Variants in NUP133 observed in about 807,000 individuals in gnomAD.
The protein encoded by NUP133 is nucleoporin 133.
Under a neutral mutation model 146.2 loss-of-function variants are expected in NUP133, and 66 were observed. The observed-to-expected ratio is 0.45, with a 90% CI of 0.37 to 0.55. The LOEUF is 0.55. Ranked by LOEUF, NUP133 falls within the 20% of genes least tolerant of loss-of-function variation. NUP133 has a pLI of 0.00. For missense variants in NUP133, 1,277 were observed against 1,374.8 expected, an observed-to-expected ratio of 0.93 and a Z score of 1.12; for synonymous variants, 521 against 498.8, an observed-to-expected ratio of 1.04 and a Z score of -0.59.
At chr1:229,469,411 C>T (rs530394225) in intron 15 of NUP133, among the ~76,000 whole-genome samples, 11 of 152,176 alleles carry the variant, frequency 7.2e-5, no homozygotes, top group Admixed American at 5.9e-4. Context: ...GCAGACTTTA[C>T]TTTTTCTCTG....
In NUP133 at chr1:229,466,747, C is replaced by G. The variant is rs1660836240; in HGVS notation, c.2086G>C (p.Val696Leu). Residue 696 changes from valine (V) to leucine (L), a missense_variant, in exon 16 of 26, where the codon GTA becomes CTA. Val to Leu is a conservative substitution (Grantham distance 32). This residue lies in a region of NUP133 where 952 missense variants were observed against 1,047.0 expected (regional missense o/e 0.91). Transcript: ENST00000261396. ...ADVFFREVSQVDTICECLLEH... is the reference protein window; with the variant it reads ...ADVFFREVSQLDTICECLLEH... Reference sequence around the variant, plus strand: ...AGTAAGCACTCACAGATGGTATCTACTTGGGATACCTGAGAGAATACACAG... The same window carrying G: ...AGTAAGCACTCACAGATGGTATCTAGTTGGGATACCTGAGAGAATACACAG... The G allele has an allele frequency of 6.2e-7, 1 of 1,613,928 alleles. No homozygotes were observed.
chr1:229,490,940 C>T lies in NUP133; in HGVS notation c.1047-838G>A, dbSNP rs1266635476. Among the ~76,000 whole-genome samples the T allele has an allele frequency of 2.7e-5, 4 of 146,214 alleles. No homozygotes were observed. The East Asian group carries it at 8.0e-4, about 29-fold the overall frequency. Reference sequence around the variant, plus strand: ...CACTCCAGCCTGGGCGATAGAGTGACACCCCATCTTAAAAAAAAAAAGAAA... The same window carrying T: ...CACTCCAGCCTGGGCGATAGAGTGATACCCCATCTTAAAAAAAAAAAGAAA... On this transcript the variant is annotated intron_variant, in intron 8 of 25. Transcript: ENST00000261396.
intron 2 of NUP133, among the ~76,000 whole-genome samples, chr1:229,504,970 G>A (rs1037781233): frequency 2.6e-5 from 4 of 152,158 alleles, no homozygotes; most frequent in Admixed American, 6.6e-5. Context: ...GTGTGGCCCA[G>A]GACAGCTTTG....
At chr1:229,498,059 C>T (rs1324246631) in intron 6 of NUP133, 77 bp downstream of exon 6, 3 of 1,092,916 alleles carry the variant, frequency 2.7e-6, no homozygotes, top group Middle Eastern at 2.6e-4. Context: ...TGGAGGAATA[C>T]TAAATTCAGA....
chr1:229,497,121 A>C (rs569670322), intron 6 of NUP133, among the ~76,000 whole-genome samples: 1 of 152,330 alleles, frequency 6.6e-6, no homozygotes, highest in Admixed American at 6.5e-5. Flanking sequence ...ACAGTAAGTA[A>C]ACTGAGCAGG....
At position 229,466,730 on chromosome 1, in the gene NUP133, C is replaced by T. The variant is rs1251751777; in HGVS notation, c.2103G>A (p.Glu701=). The change falls in exon 16 of 26, where the codon GAG becomes GAA. Residue 701 remains glutamate, a synonymous_variant. Transcript: ENST00000261396. The part of the protein sequence containing the change: ...REVSQVDTIC[E]CLLEHEEQVL... Reference sequence around the variant, plus strand: ...CTTGCTCCTCATGCTCCAGTAAGCACTCACAGATGGTATCTACTTGGGATA... The same window carrying T: ...CTTGCTCCTCATGCTCCAGTAAGCATTCACAGATGGTATCTACTTGGGATA... The T allele has an allele frequency of 3.1e-6, 5 of 1,614,010 alleles. No homozygotes were observed. The African/African-American group carries it at 5.3e-5, about 17-fold the overall frequency.
At chr1:229,478,566 C>G (rs149188730) in intron 12 of NUP133, among the ~76,000 whole-genome samples, 1 of 152,122 alleles carries the variant, frequency 6.6e-6, no homozygotes, top group African/African-American at 2.4e-5. Context: ...ACCCAGGGAG[C>G]AAGAGTTTGG....
chr1:229,479,284 A>G (rs1171095542), intron 12 of NUP133, among the ~76,000 whole-genome samples: 1 of 152,198 alleles, frequency 6.6e-6, no homozygotes, highest in Non-Finnish European at 1.5e-5. Flanking sequence ...GGTTGAAAAC[A>G]TGCTGTGAAT....
chr1:229,453,540 G>C (rs749613226), intron 21 of NUP133, among the ~76,000 whole-genome samples: 4 of 152,162 alleles, frequency 2.6e-5, no homozygotes, highest in Non-Finnish European at 4.4e-5. Flanking sequence ...ACTTTTTGCT[G>C]CAATAGGCAA....
chr1:229,487,402 G>GA (rs1436434658), intron 10 of NUP133, 64 bp downstream of exon 10: 8 of 1,512,084 alleles, frequency 5.3e-6, no homozygotes, highest in Admixed American at 4.3e-5. Flanking sequence ...CAGGGAAAGA[G>GA]AAAAAAAGCA....
intron 8 of NUP133, among the ~76,000 whole-genome samples, chr1:229,493,588 G>A (rs1015415193): frequency 3.3e-5 from 5 of 152,084 alleles, no homozygotes; most frequent in Non-Finnish European, 2.9e-5. Context: ...ATAAATAAAC[G>A]GACCCATATG....
chr1:229,477,823 A>C, intron 12 of NUP133, 63 bp from the exon 13 acceptor site: 3 of 1,330,372 alleles, frequency 2.3e-6, no homozygotes, highest in Non-Finnish European at 3.1e-6. Flanking sequence ...ACTCACCAAG[A>C]AAAAATTAAT....
intron 20 of NUP133, among the ~76,000 whole-genome samples, chr1:229,459,463 T>C (rs1397043931): frequency 6.6e-6 from 1 of 152,212 alleles, no homozygotes; most frequent in Non-Finnish European, 1.5e-5. Flanking sequence ...ATTTGTCTTC[T>C]TGCAATTGAG....
Position 229,450,715 on chromosome 1 carries a change from TTTTGTTTG to T in NUP133, c.3100-118_3100-111del, listed in dbSNP as rs145817898. The T allele has an allele frequency of 1.3e-4, 56 of 432,520 alleles. 1 individual carries two copies. The highest frequency in any genetic ancestry group is 1.9e-4 in the Non-Finnish European group (48 of 250,818). 26.8% of individuals were successfully genotyped at this position (432,520 alleles called of 1,614,324 possible). ...TCTTGTAAGGAAGTTGTAGTTTGTT[TTTTGTTTG>T]TTTGTTTGTTTGTTTTTTTTGAGAC... is the stretch of plus-strand genomic sequence containing the variant. On this transcript the variant is annotated intron_variant, in intron 22 of 25. Transcript: ENST00000261396.
intron 8 of NUP133, among the ~76,000 whole-genome samples, chr1:229,494,960 C>T (rs188136834): frequency 3.3e-5 from 5 of 152,236 alleles, no homozygotes; most frequent in East Asian, 3.9e-4. Flanking sequence ...TTGTCTCTAA[C>T]GAATGAGACA....
rs1311846209 is a variant in NUP133, at chr1:229,486,427, A to G, written c.1444T>C (p.Leu482=). Residue 482 remains leucine, a synonymous_variant, in exon 11 of 26, where the codon TTG becomes CTG. Coordinates refer to ENST00000261396, the MANE Select transcript of NUP133 (RefSeq NM_018230.3). ...AAAGACCCTTCCAAGTCTTCTGCCAATATAGACACATTTTCCCTTGAAGTA... is the reference window on the plus strand; with the variant it reads ...AAAGACCCTTCCAAGTCTTCTGCCAGTATAGACACATTTTCCCTTGAAGTA... The part of the protein sequence containing the change: ...SITSRENVSI[L]AEDLEGSLAS... 2 of 1,610,610 alleles carry G rather than the reference A, an allele frequency of 1.2e-6. No homozygotes were observed. Among genetic ancestry groups the G allele is most frequent in the Admixed American group, 1.7e-5 (1 of 59,248 alleles).
chr1:229,500,084 T>C (rs543838428), intron 4 of NUP133, among the ~76,000 whole-genome samples: 2 of 152,376 alleles, frequency 1.3e-5, no homozygotes, highest in South Asian at 2.1e-4. Context: ...ATTGTTTTCT[T>C]ATCAAGTTTA....
At chr1:229,481,604 C>A (rs1043139816) in intron 12 of NUP133, among the ~76,000 whole-genome samples, 1 of 149,874 alleles carries the variant, frequency 6.7e-6, no homozygotes, top group African/African-American at 2.5e-5. Flanking sequence ...GAGGCTGAGG[C>A]AGAAGAATTG....
At chr1:229,443,742 T>C (rs1660236273) in intron 25 of NUP133, among the ~76,000 whole-genome samples, 1 of 146,268 alleles carries the variant, frequency 6.8e-6, no homozygotes, top group South Asian at 2.2e-4. Flanking sequence ...TTTTTTTTTT[T>C]TTTTGAGACG....
Sources: allele counts gnomAD v4.1 joint callset (sites outside exome capture counted in the v4.1 genomes callset), GRCh38; gene constraint gnomAD v4.1.1; regional missense constraint gnomAD v4.1.1; transcripts MANE v1.5; gene names NCBI Gene and HGNC (gene_info 2026-07-23, HGNC 2026-07-21).